Variants in DDX60 observed in about 807,000 individuals in gnomAD.
The protein encoded by DDX60 is DExD/H-box helicase 60.
A neutral mutation model predicts 212.8 loss-of-function variants in DDX60; 165 were observed. The observed-to-expected ratio is 0.78, with a 90% CI of 0.68 to 0.88. The LOEUF (loss-of-function observed/expected upper bound fraction) is 0.88, where lower values mean the gene tolerates loss of function less well. Among genes scored for constraint, DDX60 ranks in the 40% least tolerant of loss-of-function variants. DDX60 has a pLI of 0.00. For missense variants in DDX60, 1,905 were observed against 2,003.9 expected, an observed-to-expected ratio of 0.95 and a Z score of 0.94; for synonymous variants, 703 against 685.3, an observed-to-expected ratio of 1.03 and a Z score of -0.40.
chr4:168,308,244 G>A (rs376846176), intron 3 of DDX60, 49 bp from the exon 4 acceptor site: 3 of 1,114,172 alleles, frequency 2.7e-6, no homozygotes, highest in African/African-American at 3.2e-5. Context: ...ATTAAATCAT[G>A]TTCCAAAAAG....
At chr4:168,237,584 A>G (rs1578982582) in intron 31 of DDX60, 107 bp downstream of exon 31, 1 of 1,152,118 alleles carries the variant, frequency 8.7e-7, no homozygotes, top group East Asian at 2.6e-5. Flanking sequence ...TATAAATAAT[A>G]TCAATCATTG....
chr4:168,256,494 C>T (rs1200427726), intron 25 of DDX60, among the ~76,000 whole-genome samples: 1 of 152,076 alleles, frequency 6.6e-6, no homozygotes. Flanking sequence ...AACCTAGCAA[C>T]CTGGTCTAGG....
intron 14 of DDX60, 80 bp downstream of exon 14, chr4:168,280,255 C>T (rs1735529677): frequency 6.0e-6 from 9 of 1,507,036 alleles, no homozygotes; most frequent in Non-Finnish European, 8.0e-6. Flanking sequence ...TGCAAATTTC[C>T]AGTTAACAAA....
rs146136344 is a variant in DDX60, at chr4:168,245,908, T to C, written c.4164+510A>G. On this transcript the variant is annotated intron_variant, in intron 30 of 37. Coordinates refer to ENST00000393743, the MANE Select transcript of DDX60 (RefSeq NM_017631.6). ...AAATGCACACCCATGCCTAGAAAAC[T>C]GGCTGAAAAAAAAAATGATAATGTG... is the stretch of plus-strand genomic sequence containing the variant. Among the ~76,000 whole-genome samples the C allele has an allele frequency of 2.3e-3, 343 of 151,944 alleles. 2 individuals are homozygous for C. Among genetic ancestry groups the C allele is most frequent in the African/African-American group, 7.4e-3 (306 of 41,458 alleles).
At chr4:168,324,498 G>T in the DDX60 span, among the ~76,000 whole-genome samples, 2 of 152,024 alleles carry the variant, frequency 1.3e-5, no homozygotes, top group East Asian at 3.9e-4. Context: ...ATTTGTTGGA[G>T]GGGGCCCTGT....
chr4:168,221,349 A>C (rs550980053), intron 36 of DDX60, among the ~76,000 whole-genome samples: 2 of 152,296 alleles, frequency 1.3e-5, no homozygotes, highest in Non-Finnish European at 1.5e-5. Flanking sequence ...TCAGTCCTCT[A>C]TCTACTCTTC....
Position 168,276,127 on chromosome 4 carries a change from G to T in DDX60, c.2033C>A (p.Ser678Tyr). 6.2e-7 allele frequency: 1 copy of T among 1,613,340 alleles called. No individual in the cohort carries two copies. Among genetic ancestry groups the T allele is most frequent in the Non-Finnish European group, 8.5e-7 (1 of 1,179,574 alleles). ...IAVQVMKRIH[S>Y]LMEKYSELLQ... ...AAGTTCTGAGTATTTTTCCATCAAGGAGTGGATCCTTTTCATCACCTGAAC... is the reference window on the plus strand; with the variant it reads ...AAGTTCTGAGTATTTTTCCATCAAGTAGTGGATCCTTTTCATCACCTGAAC... The change falls in exon 15 of 38, where the codon TCC (serine) becomes TAC (tyrosine). Residue 678 changes from serine (S) to tyrosine (Y), a missense_variant. By Grantham distance (144) the Ser-to-Tyr change is moderately radical. Coordinates refer to ENST00000393743, the MANE Select transcript of DDX60 (RefSeq NM_017631.6).
At chr4:168,323,479 C>A (rs1021060463), upstream of DDX60, among the ~76,000 whole-genome samples, 1 of 152,102 alleles carries the variant, frequency 6.6e-6, no homozygotes, top group African/African-American at 2.4e-5. Flanking sequence ...CCTGTTAGGC[C>A]TCTTAAATTA....
rs746810325 is a variant in DDX60, at chr4:168,267,972, G to T, written c.2798C>A (p.Ser933Ter). The change falls in exon 21 of 38, where the codon TCG becomes TAG. Residue 933 changes from serine (S) to a stop codon, truncating the protein, a stop_gained. Transcript: ENST00000393743. LOFTEE classifies it high-confidence loss of function. ...NPEHLTEWLQ[S>*]VKWYWKQEDK... ...TTCTTGTTTCCAGTACCATTTTACC[G>T]ATTGTAGCCACCTTAAAAAATAAAT... is the stretch of plus-strand genomic sequence containing the variant. 8 of 1,608,114 alleles carry T rather than the reference G, an allele frequency of 5.0e-6. No homozygotes were observed. Among genetic ancestry groups the T allele is most frequent in the Admixed American group, 1.7e-5 (1 of 59,140 alleles).
At chr4:168,318,013 C>T (rs1398760030) in intron 1 of DDX60, among the ~76,000 whole-genome samples, 2 of 152,198 alleles carry the variant, frequency 1.3e-5, no homozygotes, top group Non-Finnish European at 2.9e-5. Context: ...TCACTTTACC[C>T]ATGCCTGGGC....
At chr4:168,308,581 T>C (rs139773648) in intron 3 of DDX60, among the ~76,000 whole-genome samples, 98 of 151,770 alleles carry the variant, frequency 6.5e-4, no homozygotes, top group African/African-American at 1.8e-3. Context: ...ACTGTTTCCA[T>C]TCACTGTCAT....
At chr4:168,324,125 T>G in the DDX60 span, among the ~76,000 whole-genome samples, 2 of 152,156 alleles carry the variant, frequency 1.3e-5, no homozygotes, top group Non-Finnish European at 2.9e-5. Context: ...AGAGCCCAAG[T>G]TTGGCTCCAT....
chr4:168,272,944 G>A (rs1041279955), intron 18 of DDX60, among the ~76,000 whole-genome samples: 1 of 152,126 alleles, frequency 6.6e-6, no homozygotes, highest in African/African-American at 2.4e-5. Context: ...AGATACTTAT[G>A]AAGAAAAAGT....
chr4:168,272,953 G>C (rs1030161575), intron 18 of DDX60, among the ~76,000 whole-genome samples: 24 of 152,126 alleles, frequency 1.6e-4, no homozygotes, highest in Non-Finnish European at 3.1e-4. Context: ...TGAAGAAAAA[G>C]TAATTGATTT....
chr4:168,219,338 G>T (rs2149489056), intron 37 of DDX60, among the ~76,000 whole-genome samples: 1 of 151,988 alleles, frequency 6.6e-6, no homozygotes, highest in East Asian at 1.9e-4. Flanking sequence ...AAATGCTTAG[G>T]AAGTGTGTCT....
chr4:168,270,934 G>A (rs984031513), intron 19 of DDX60, among the ~76,000 whole-genome samples: 1 of 136,670 alleles, frequency 7.3e-6, no homozygotes, highest in African/African-American at 2.8e-5. Flanking sequence ...CTGGAGTGCA[G>A]TGGTACGATC....
chr4:168,226,320 G>A (rs1323433150), intron 33 of DDX60, among the ~76,000 whole-genome samples: 1 of 151,906 alleles, frequency 6.6e-6, no homozygotes, highest in African/African-American at 2.4e-5. Flanking sequence ...TTAATGTGAT[G>A]GGATTAGGAC....
intron 6 of DDX60, among the ~76,000 whole-genome samples, chr4:168,297,053 G>A (rs1736375728): frequency 1.3e-5 from 2 of 151,564 alleles, no homozygotes; most frequent in African/African-American, 4.9e-5. Flanking sequence ...TGGGACTACA[G>A]GCATGCACCA....
In DDX60 at chr4:168,248,244, T is replaced by C; in HGVS notation, c.3907A>G (p.Lys1303Glu). The stretch of plus-strand genomic sequence containing the variant: ...GAGTTTTGAGCAAAAACCACAGATT[T>C]ACAAGGCATGTTGACACCTAAAGCA... The part of the protein sequence containing the change: ...TLALGVNMPC[K>E]SVVFAQNSVY... The change falls in exon 29 of 38, where the codon AAA becomes GAA. Residue 1303 changes from lysine to glutamate, a missense_variant. Transcript: ENST00000393743. 4 of 1,610,952 alleles carry C rather than the reference T, an allele frequency of 2.5e-6. No homozygotes were observed. Among genetic ancestry groups the C allele is most frequent in the Non-Finnish European group, 3.4e-6 (4 of 1,178,932 alleles).
Sources: allele counts gnomAD v4.1 joint callset (sites outside exome capture counted in the v4.1 genomes callset), GRCh38; gene constraint gnomAD v4.1.1; transcripts MANE v1.5; gene names NCBI Gene and HGNC (gene_info 2026-07-23, HGNC 2026-07-21).